The following CTNND2 variants were observed in gnomAD, a reference collection of about 807,000 sequenced individuals.
CTNND2 encodes catenin delta-2.
CTNND2 carries 22 observed loss-of-function variants against 144.4 expected under a neutral mutation model. The ratio of observed to expected loss-of-function variants is 0.15; its 90% CI spans 0.11 to 0.22. CTNND2 has a LOEUF of 0.22. Ranked by LOEUF, CTNND2 falls within the 10% of genes least tolerant of loss-of-function variation. The probability of loss-of-function intolerance (pLI) is 1.00; values close to 1 mark genes in which losing one functional copy is unlikely to be tolerated. For synonymous variants in CTNND2, 751 were observed against 695.6 expected (o/e 1.08, Z -1.25); for missense variants, 1,353 against 1,618.8 (o/e 0.84, Z 2.82).
chr5:11,139,899 T>C (rs1756549291), intron 12 of CTNND2, among the ~76,000 whole-genome samples: 1 of 152,172 alleles, frequency 6.6e-6, no homozygotes, highest in African/African-American at 2.4e-5. Context: ...AGCTTCTACA[T>C]GCACATCTTG....
At chr5:11,296,930 A>C (rs1580828001) in intron 9 of CTNND2, among the ~76,000 whole-genome samples, 1 of 152,352 alleles carries the variant, frequency 6.6e-6, no homozygotes, top group Non-Finnish European at 1.5e-5. Flanking sequence ...ACGTGTATAC[A>C]TATGTAACAA....
chr5:11,382,773 T>C (rs908733765), intron 7 of CTNND2, among the ~76,000 whole-genome samples: 5 of 152,018 alleles, frequency 3.3e-5, no homozygotes, highest in Admixed American at 6.6e-5. Context: ...ACCTAACTGC[T>C]CTTTCAACTA....
chr5:11,884,876 T>C (rs1435843034), intron 1 of CTNND2, among the ~76,000 whole-genome samples: 3 of 152,194 alleles, frequency 2.0e-5, no homozygotes, highest in African/African-American at 4.8e-5. Context: ...ATGAAGTATG[T>C]TGAGTTTTAT....
At chr5:11,166,359 C>T (rs1343810570) in intron 11 of CTNND2, among the ~76,000 whole-genome samples, 1 of 151,472 alleles carries the variant, frequency 6.6e-6, no homozygotes, top group Non-Finnish European at 1.5e-5. Context: ...CGTCATTCTC[C>T]TGCCCCAGCC....
At chr5:11,845,734 C>T (rs1020329921) in intron 1 of CTNND2, among the ~76,000 whole-genome samples, 20 of 152,248 alleles carry the variant, frequency 1.3e-4, no homozygotes, top group African/African-American at 4.6e-4. Flanking sequence ...ATCGTCAAGA[C>T]GATCTATGGC....
At chr5:11,498,962 C>T (rs1770262843) in intron 3 of CTNND2, among the ~76,000 whole-genome samples, 1 of 152,034 alleles carries the variant, frequency 6.6e-6, no homozygotes, top group East Asian at 1.9e-4. Flanking sequence ...TTCTCATCTC[C>T]TAAGAATTTG....
chr5:11,796,997 G>T (rs1791439025), intron 1 of CTNND2, among the ~76,000 whole-genome samples: 1 of 152,198 alleles, frequency 6.6e-6, no homozygotes, highest in Admixed American at 6.5e-5. Context: ...ACTGGATTGT[G>T]TTTACATTTA....
chr5:11,447,728 A>G (rs1764951953), intron 3 of CTNND2, among the ~76,000 whole-genome samples: 1 of 152,134 alleles, frequency 6.6e-6, no homozygotes. Context: ...GCTACTGTCC[A>G]CCCAGACAGA....
intron 18 of CTNND2, among the ~76,000 whole-genome samples, chr5:11,002,544 A>AGCAGGGG (rs1740065478): frequency 3.3e-5 from 5 of 152,180 alleles, no homozygotes; most frequent in Non-Finnish European, 5.9e-5. Flanking sequence ...TGAATATTTC[A>AGCAGGGG]AGGGCTGCTC....
chr5:11,660,080 A>T (rs1382441768), intron 2 of CTNND2, among the ~76,000 whole-genome samples: 3 of 152,154 alleles, frequency 2.0e-5, no homozygotes, highest in Admixed American at 2.0e-4. Context: ...GAAGCTTTAA[A>T]GAAATTTGAG....
At chr5:11,764,718 A>G (rs1355212155) in intron 1 of CTNND2, among the ~76,000 whole-genome samples, 2 of 152,206 alleles carry the variant, frequency 1.3e-5, no homozygotes, top group Non-Finnish European at 2.9e-5. Flanking sequence ...CAGCTCTTTA[A>G]CCTGGTTCTA....
intron 2 of CTNND2, among the ~76,000 whole-genome samples, chr5:11,596,207 C>T (rs1007460740): frequency 4.6e-5 from 7 of 152,258 alleles, no homozygotes; most frequent in South Asian, 2.1e-4. Flanking sequence ...AGAAATAACT[C>T]GACTTGTTTG....
intron 18 of CTNND2, among the ~76,000 whole-genome samples, chr5:11,002,729 G>T (rs532336793): frequency 9.2e-5 from 14 of 152,306 alleles, no homozygotes; most frequent in Non-Finnish European, 2.1e-4. Context: ...TGACCCTGAT[G>T]GGGTGGAGGG....
intron 3 of CTNND2, among the ~76,000 whole-genome samples, chr5:11,483,064 C>T (rs922240905): frequency 6.6e-6 from 1 of 151,958 alleles, no homozygotes; most frequent in Non-Finnish European, 1.5e-5. Context: ...CTTCTGGCTG[C>T]TATTGAGGTG....
At chr5:11,024,182 T>C (rs1742577338) in intron 16 of CTNND2, among the ~76,000 whole-genome samples, 1 of 152,218 alleles carries the variant, frequency 6.6e-6, no homozygotes, top group Non-Finnish European at 1.5e-5. Context: ...TTCCAGGCAG[T>C]GATACATAAA....
chr5:11,579,787 TC>T (rs904660429), intron 2 of CTNND2, among the ~76,000 whole-genome samples: 6 of 152,212 alleles, frequency 3.9e-5, no homozygotes, highest in African/African-American at 1.2e-4. Context: ...TATCTTTGTG[TC>T]CCCTGAAACT....
chr5:11,875,994 A>C (rs1188263857), intron 1 of CTNND2, among the ~76,000 whole-genome samples: 1 of 152,218 alleles, frequency 6.6e-6, no homozygotes, highest in African/African-American at 2.4e-5. Flanking sequence ...TGAAATTGTG[A>C]AGAAAGTGTA....
chr5:11,696,208 G>C (rs1035956254), intron 2 of CTNND2, among the ~76,000 whole-genome samples: 2 of 152,190 alleles, frequency 1.3e-5, no homozygotes, highest in African/African-American at 4.8e-5. Context: ...ACGTATAAAG[G>C]CATGAGTGTG....
At chr5:11,198,925 G>A (rs1171591175) in intron 11 of CTNND2, among the ~76,000 whole-genome samples, 3 of 152,112 alleles carry the variant, frequency 2.0e-5, no homozygotes, top group Non-Finnish European at 2.9e-5. Context: ...ATTTTACTAA[G>A]CCCAAAAGTT....
Sources: gnomAD v4.1 joint callset for allele counts (sites outside exome capture counted in the v4.1 genomes callset) on GRCh38, gnomAD v4.1.1 for gene constraint, MANE v1.5 for transcripts, NCBI Gene and HGNC (gene_info 2026-07-23, HGNC 2026-07-21) for gene names.